The following PDPK1 variants were observed in gnomAD, a reference collection of about 807,000 sequenced individuals.
PDPK1 encodes the protein 3-phosphoinositide dependent protein kinase 1.
A neutral mutation model predicts 39.8 loss-of-function variants in PDPK1; 7 were observed. The ratio of observed to expected loss-of-function variants is 0.18; its 90% confidence interval spans 0.10 to 0.33. The LOEUF is 0.33. PDPK1 is among the 10% of genes least tolerant of loss of function. The pLI, the probability that PDPK1 is intolerant of heterozygous loss-of-function variation, is 1.00. For synonymous variants in PDPK1, 118 were observed against 159.1 expected (o/e 0.74, Z 1.95); for missense variants, 182 against 384.7 (o/e 0.47, Z 4.41).
chr16:2,587,035 A>T lies in PDPK1; in HGVS notation c.1343+142A>T, dbSNP rs2066891647. 4 of 735,144 alleles carry T rather than the reference A, an allele frequency of 5.4e-6. No individual in the cohort carries two copies. The Admixed American group carries it at 6.6e-5, about 12-fold the overall frequency. The allele number at this position is 735,144 out of a possible 1,614,324, so 45.5% of individuals were successfully genotyped here. A position where few individuals can be genotyped will look rare whatever the true frequency, so the allele number is the denominator to read the frequency against. Reference sequence around the variant, plus strand: ...GCCAAGGAGCACATCGTAAGTGCACAGTTGGAAACAGGTGCTTAGGAGGCA... The same window carrying T: ...GCCAAGGAGCACATCGTAAGTGCACTGTTGGAAACAGGTGCTTAGGAGGCA... On this transcript the variant is annotated intron_variant, in intron 11 of 13. Transcript: ENST00000342085.
chr16:2,553,308 A>G (rs1272888818), intron 1 of PDPK1, among the ~76,000 whole-genome samples: 1 of 135,792 alleles, frequency 7.4e-6, no homozygotes, highest in Non-Finnish European at 1.5e-5. Flanking sequence ...AAGTGGAACC[A>G]CAGGTGCACA....
At chr16:2,591,151 C>T (rs919361991) in intron 11 of PDPK1, among the ~76,000 whole-genome samples, 2 of 152,092 alleles carry the variant, frequency 1.3e-5, no homozygotes, top group Admixed American at 6.5e-5. Flanking sequence ...ATAGTAGAGA[C>T]GTGGTTTCAC....
rs2067027849 is a variant in PDPK1 at position 2,593,197 on chromosome 16, T to C, written c.1344-2596T>C. ...CAGGGTGGAGCGGCCCAGCTCAATG[T>C]CTTCATTTAGGGCCATTGAGAGTTT... On this transcript the variant is annotated intron_variant, in intron 11 of 13. Coordinates refer to ENST00000342085, the MANE Select transcript of PDPK1 (RefSeq NM_002613.5). This position sits in a 1 kb window ranked among gnomAD's most constrained non-coding sequence, Gnocchi z 4.2. 2.4e-6 allele frequency: 1 copy of C among 412,274 alleles called. No homozygotes were observed. Among genetic ancestry groups the C allele is most frequent in the African/African-American group, 2.1e-5 (1 of 47,826 alleles). The allele number at this position is 412,274 out of a possible 1,614,324, so 25.5% of individuals were successfully genotyped here. A position where few individuals can be genotyped will look rare whatever the true frequency, so the allele number is the denominator to read the frequency against.
intron 1 of PDPK1, among the ~76,000 whole-genome samples, chr16:2,541,979 T>G (rs2066253344): frequency 6.6e-6 from 1 of 151,930 alleles, no homozygotes; most frequent in Non-Finnish European, 1.5e-5. Context: ...TGTTGGGGTC[T>G]CTTTTCTGTA....
intron 11 of PDPK1, among the ~76,000 whole-genome samples, chr16:2,591,952 C>T (rs2066997849): frequency 6.6e-6 from 1 of 152,072 alleles, no homozygotes; most frequent in Non-Finnish European, 1.5e-5. Flanking sequence ...TGTGAGGGGC[C>T]ATAGGACTGG....
At chr16:2,585,908 G>A (rs1034627933) in intron 10 of PDPK1, among the ~76,000 whole-genome samples, 11 of 152,314 alleles carry the variant, frequency 7.2e-5, no homozygotes, top group South Asian at 4.1e-4. Flanking sequence ...GCCATTGCTC[G>A]TGGCACCTTT....
rs559677768 is a variant in PDPK1, at chr16:2,601,362, C to T, written c.*3595C>T. The T allele has an allele frequency of 8.1e-5, 19 of 234,598 alleles. No homozygotes were observed. Among genetic ancestry groups the T allele is most frequent in the East Asian group, 7.2e-4 (12 of 16,588 alleles). 14.5% of individuals were successfully genotyped at this position (234,598 alleles called of 1,614,324 possible). On this transcript the variant is annotated 3_prime_UTR_variant, in exon 14 of 14. Coordinates refer to ENST00000342085, the MANE Select transcript of PDPK1 (RefSeq NM_002613.5). ...GTCACTACTGCAATCCATCTGTGGCCGATTTTTTCCAAGAGCCAATTTCCT... is the reference window on the plus strand; with the variant it reads ...GTCACTACTGCAATCCATCTGTGGCTGATTTTTTCCAAGAGCCAATTTCCT...
chr16:2,587,300 C>T (rs1023661935), intron 11 of PDPK1, among the ~76,000 whole-genome samples: 4 of 152,066 alleles, frequency 2.6e-5, no homozygotes, highest in African/African-American at 4.8e-5. Context: ...GGAGGGCGTG[C>T]GTGTTTTCAG....
chr16:2,584,976 G>T (rs898170425), intron 10 of PDPK1, among the ~76,000 whole-genome samples: 4 of 152,334 alleles, frequency 2.6e-5, no homozygotes, highest in East Asian at 3.9e-4. Flanking sequence ...CTCCCTGCTG[G>T]GCCTGCTGTT....
chr16:2,585,666 G>A (rs941253117), intron 10 of PDPK1, among the ~76,000 whole-genome samples: 24 of 152,338 alleles, frequency 1.6e-4, no homozygotes, highest in Admixed American at 9.8e-4. Context: ...TGGAGGGGCC[G>A]GCGTGGAGGG....
intron 12 of PDPK1, among the ~76,000 whole-genome samples, chr16:2,596,909 G>A (rs1213002100): frequency 6.6e-6 from 1 of 152,108 alleles, no homozygotes; most frequent in Non-Finnish European, 1.5e-5. Flanking sequence ...GGCTGTCTGC[G>A]CCATCTCAGC....
intron 1 of PDPK1, chr16:2,538,969 G>A: frequency 3.0e-6 from 1 of 336,628 alleles, no homozygotes; most frequent in South Asian, 2.4e-5. Flanking sequence ...ATGTGCAGTG[G>A]GTGATGGAAG....
chr16:2,586,000 C>G (rs940570477), intron 10 of PDPK1, among the ~76,000 whole-genome samples: 1 of 152,188 alleles, frequency 6.6e-6, no homozygotes, highest in Admixed American at 6.5e-5. Flanking sequence ...CCCAGGGACT[C>G]TCTGGCCTTG....
chr16:2,560,398 A>G lies in PDPK1; in HGVS notation c.286-1082A>G, dbSNP rs534218909. Among the ~76,000 whole-genome samples the G allele has an allele frequency of 1.3e-5, 2 of 148,228 alleles. 1 individual carries two copies. The highest frequency in any genetic ancestry group is 4.2e-4 in the South Asian group (2 of 4,798). On this transcript the variant is annotated intron_variant, in intron 2 of 13. Coordinates refer to ENST00000342085, the MANE Select transcript of PDPK1 (RefSeq NM_002613.5). ...GCTGAGAGCCATCCATGCGTGGCGT[A>G]TTCCTCTGGGAAGACCTTGAGTATG...
chr16:2,540,248 CAG>C (rs377246889), intron 1 of PDPK1, among the ~76,000 whole-genome samples: 96 of 152,312 alleles, frequency 6.3e-4, no homozygotes, highest in Non-Finnish European at 1.2e-3. Flanking sequence ...GGACAGCCAA[CAG>C]GGGGAGCAGT....
Position 2,597,032 on chromosome 16 carries a change from G to C in PDPK1, c.1402-91G>C, listed in dbSNP as rs1371930995. ...TGGTGGTGGTGGCCCTGTGTCCTGAGCAGCTCCGAGGGGCCGCCCAGCCCT... is the reference window on the plus strand; with the variant it reads ...TGGTGGTGGTGGCCCTGTGTCCTGACCAGCTCCGAGGGGCCGCCCAGCCCT... On this transcript the variant is annotated intron_variant, in intron 12 of 13. Transcript: ENST00000342085. The surrounding 1 kb of genome is among the most constrained non-coding windows in gnomAD (Gnocchi z 6.3). 2 of 1,013,950 alleles carry C rather than the reference G, an allele frequency of 2.0e-6. No homozygotes were observed. The highest frequency in any genetic ancestry group is 3.2e-5 in the African/African-American group (2 of 61,820). 62.8% of individuals were successfully genotyped at this position (1,013,950 alleles called of 1,614,324 possible). A position where few individuals can be genotyped will look rare whatever the true frequency, so the allele number is the denominator to read the frequency against.
intron 1 of PDPK1, 99 bp from the exon 2 acceptor site, chr16:2,557,604 G>C (rs1597035132): frequency 1.8e-6 from 1 of 566,478 alleles, no homozygotes; most frequent in African/African-American, 2.2e-5. Context: ...CTTGGGGTTT[G>C]TTTTTGAGCG....
In PDPK1 at chr16:2,538,138, T is replaced by C; in HGVS notation, c.24+2T>C. The C allele has an allele frequency of 9.4e-7, 1 of 1,061,392 alleles. No homozygotes were observed. The highest frequency in any genetic ancestry group is 1.1e-6 in the Non-Finnish European group (1 of 878,920). The allele number at this position is 1,061,392 out of a possible 1,614,324, so 65.7% of individuals were successfully genotyped here. A position where few individuals can be genotyped will look rare whatever the true frequency, so the allele number is the denominator to read the frequency against. ...ATGGCCAGGACCACCAGCCAGCTGG[T>C]GAGCGCGCGGCGGCGGACTGGACGC... is the stretch of plus-strand genomic sequence containing the variant. On this transcript the variant is annotated splice_donor_variant, in intron 1 of 13. Coordinates refer to ENST00000342085, the MANE Select transcript of PDPK1 (RefSeq NM_002613.5). LOFTEE classifies it high-confidence loss of function.
At position 2,602,633 on chromosome 16, in the gene PDPK1, T is replaced by TA. The variant is rs1488737978; in HGVS notation, c.*4867dup. 1 of 234,692 alleles carries TA rather than the reference T, an allele frequency of 4.3e-6. No individual in the cohort carries two copies. Among genetic ancestry groups the TA allele is most frequent in the Non-Finnish European group, 8.5e-6 (1 of 118,060 alleles). The allele number at this position is 234,692 out of a possible 1,614,324, so 14.5% of individuals were successfully genotyped here. On this transcript the variant is annotated 3_prime_UTR_variant, in exon 14 of 14. Transcript: ENST00000342085. ...TTGGATGTTGGCAAAATTAAATTGT[T>TA]ACAGTATTTAGAGCTGCTGTAGCTG...
Sources: gnomAD v4.1 joint callset for allele counts (sites outside exome capture counted in the v4.1 genomes callset) on GRCh38, gnomAD v4.1.1 for gene constraint, Gnocchi (gnomAD v3.1) non-coding constraint, MANE v1.5 for transcripts, NCBI Gene and HGNC (gene_info 2026-07-23, HGNC 2026-07-21) for gene names.